Variants in MBOAT1 observed in about 807,000 individuals in gnomAD.
The protein encoded by MBOAT1 is membrane bound glycerophospholipid O-acyltransferase 1.
A neutral mutation model predicts 64.4 loss-of-function variants in MBOAT1; 67 were observed. That is an observed-to-expected ratio of 1.04 (90% CI 0.85 to 1.27). The LOEUF (loss-of-function observed/expected upper bound fraction) is 1.27. Among genes scored for constraint, MBOAT1 ranks in the 50% most tolerant of loss-of-function variants. MBOAT1 has a pLI of 0.00. For missense variants in MBOAT1, 563 were observed against 604.6 expected (o/e 0.93, Z 0.72); for synonymous variants, 229 against 218.9 (o/e 1.05, Z -0.41).
At chr6:20,133,452 C>T (rs934822592) in intron 4 of MBOAT1, among the ~76,000 whole-genome samples, 3 of 152,178 alleles carry the variant, frequency 2.0e-5, no homozygotes, top group Non-Finnish European at 2.9e-5. Flanking sequence ...ATGAAGAGGG[C>T]TATTTTTCTG....
chr6:20,145,248 G>A (rs1226231755), intron 3 of MBOAT1, among the ~76,000 whole-genome samples: 1 of 152,154 alleles, frequency 6.6e-6, no homozygotes, highest in African/African-American at 2.4e-5. Context: ...TGTGCTATGT[G>A]AGGATACAAG....
intron 1 of MBOAT1, among the ~76,000 whole-genome samples, chr6:20,176,992 A>G (rs1432022979): frequency 6.6e-6 from 1 of 152,220 alleles, no homozygotes; most frequent in Non-Finnish European, 1.5e-5. Flanking sequence ...CATTATAATT[A>G]TGGTCAGAAC....
chr6:20,161,868 A>T (rs1166897573), intron 1 of MBOAT1, among the ~76,000 whole-genome samples: 1 of 152,136 alleles, frequency 6.6e-6, no homozygotes, highest in Non-Finnish European at 1.5e-5. Context: ...ACAAAATACC[A>T]AAAACTGGAG....
At chr6:20,189,227 A>C (rs1762737373) in intron 1 of MBOAT1, among the ~76,000 whole-genome samples, 1 of 152,206 alleles carries the variant, frequency 6.6e-6, no homozygotes. Context: ...TCTGAAGGAT[A>C]AATTGGGATA....
intron 8 of MBOAT1, among the ~76,000 whole-genome samples, chr6:20,120,373 T>G: frequency 6.6e-6 from 1 of 152,128 alleles, no homozygotes; most frequent in East Asian, 1.9e-4. Flanking sequence ...TATTATGCTA[T>G]TAAGGGGACT....
At chr6:20,119,994 TGTGTGTGTGTGC>T (rs1760446006) in intron 8 of MBOAT1, among the ~76,000 whole-genome samples, 2 of 88,456 alleles carry the variant, frequency 2.3e-5, no homozygotes, top group South Asian at 8.7e-4. Context: ...CTTTTCTGTG[TGTGTGTGTGTGC>T]GTGTGTGTGT....
chr6:20,111,860 A>C (rs1410774471), intron 11 of MBOAT1, among the ~76,000 whole-genome samples: 2 of 127,680 alleles, frequency 1.6e-5, no homozygotes, highest in African/African-American at 7.0e-5. Context: ...ATATATATAC[A>C]TATATATACA....
At chr6:20,148,629 T>C (rs1305474714) in intron 3 of MBOAT1, among the ~76,000 whole-genome samples, 2 of 152,196 alleles carry the variant, frequency 1.3e-5, no homozygotes, top group Non-Finnish European at 2.9e-5. Context: ...ATGGAGAAGT[T>C]GCATGACCAG....
Position 20,100,274 on chromosome 6 carries a change from A to C in MBOAT1, c.*2012T>G, listed in dbSNP as rs1759752030. 6.6e-6 allele frequency among the ~76,000 whole-genome samples: 1 copy of C among 152,184 alleles called. No homozygotes were observed. The highest frequency in any genetic ancestry group is 1.9e-4 in the East Asian group (1 of 5,194). On this transcript the variant is annotated 3_prime_UTR_variant, in exon 13 of 13. Coordinates refer to ENST00000324607, the MANE Select transcript of MBOAT1 (RefSeq NM_001080480.3). ...GTAATATGATTATTCCACATACTCC[A>C]CACCAATGGTAATATTTACCATTTT...
intron 1 of MBOAT1, among the ~76,000 whole-genome samples, chr6:20,184,014 GATTCA>G (rs1464142697): frequency 1.3e-5 from 2 of 152,216 alleles, no homozygotes; most frequent in Admixed American, 1.3e-4. Context: ...TGGCCCCCAT[GATTCA>G]ATTATCTCCC....
Position 20,111,872 on chromosome 6 carries a change from ATATATATG to A in MBOAT1, c.1209+996_1209+1003del, listed in dbSNP as rs1244335188. On this transcript the variant is annotated intron_variant, in intron 11 of 12. Coordinates refer to ENST00000324607, the MANE Select transcript of MBOAT1 (RefSeq NM_001080480.3). ...CATATATATATACATATATATACATATATATATGTATATATATATATTCCAGCACACCT... is the reference window on the plus strand; with the variant it reads ...CATATATATATACATATATATACATATATATATATATATTCCAGCACACCT... Among the ~76,000 whole-genome samples the A allele has an allele frequency of 3.6e-5, 5 of 137,688 alleles. 1 individual carries two copies. Among genetic ancestry groups the A allele is most frequent in the African/African-American group, 1.4e-4 (5 of 34,918 alleles). 90.3% of individuals were successfully genotyped at this position (137,688 alleles called of 152,430 possible).
At chr6:20,114,717 T>C (rs1250423245) in intron 10 of MBOAT1, among the ~76,000 whole-genome samples, 1 of 152,002 alleles carries the variant, frequency 6.6e-6, no homozygotes, top group Non-Finnish European at 1.5e-5. Context: ...ACCTCGTCTC[T>C]ACTAAAAATA....
chr6:20,131,295 C>T, intron 4 of MBOAT1, 96 bp from the exon 5 acceptor site: 4 of 1,083,410 alleles, frequency 3.7e-6, no homozygotes, highest in Non-Finnish European at 5.7e-6. Flanking sequence ...ATTGTAGTTC[C>T]CATAATCCCC....
chr6:20,162,872 T>C (rs370776996), intron 1 of MBOAT1, among the ~76,000 whole-genome samples: 1 of 152,236 alleles, frequency 6.6e-6, no homozygotes, highest in East Asian at 1.9e-4. Flanking sequence ...TGTATAGTCA[T>C]GAACCAAGCT....
intron 1 of MBOAT1, among the ~76,000 whole-genome samples, chr6:20,158,565 A>G (rs1761761665): frequency 6.6e-6 from 1 of 152,246 alleles, no homozygotes; most frequent in African/African-American, 2.4e-5. Context: ...AAAAGCAAAA[A>G]TAGGTAAACG....
intron 1 of MBOAT1, among the ~76,000 whole-genome samples, chr6:20,157,103 C>G (rs1045918602): frequency 2.6e-5 from 4 of 151,986 alleles, no homozygotes; most frequent in African/African-American, 9.7e-5. Flanking sequence ...AACAACACAG[C>G]AAGAACCCCA....
Position 20,115,353 on chromosome 6 carries a change from C to T in MBOAT1, c.1012-1G>A. On this transcript the variant is annotated splice_acceptor_variant, in intron 9 of 12. Transcript: ENST00000324607. LOFTEE classifies it high-confidence loss of function. ...AGTACATTTTGAAACTTGTGGCAGT[C>T]TGGAAAGAAGAAAATAACACCTATC... The T allele has an allele frequency of 1.2e-6, 2 of 1,612,752 alleles. No homozygotes were observed. Among genetic ancestry groups the T allele is most frequent in the Non-Finnish European group, 1.7e-6 (2 of 1,178,844 alleles).
chr6:20,102,479 A>G, intron 12 of MBOAT1, 67 bp from the exon 13 acceptor site: 2 of 1,349,632 alleles, frequency 1.5e-6, no homozygotes, highest in South Asian at 2.6e-5. Flanking sequence ...CCACCTAATT[A>G]TATCACCTAC....
At chr6:20,131,261 G>GC in intron 4 of MBOAT1, 62 bp from the exon 5 acceptor site, 2 of 1,434,070 alleles carry the variant, frequency 1.4e-6, no homozygotes, top group East Asian at 4.6e-5. Context: ...GTCTGGCTGT[G>GC]CCCCCACCCA....
Sources: allele counts gnomAD v4.1 joint callset (sites outside exome capture counted in the v4.1 genomes callset), GRCh38; gene constraint gnomAD v4.1.1; transcripts MANE v1.5; gene names NCBI Gene and HGNC (gene_info 2026-07-23, HGNC 2026-07-21).